Variants in F7 observed in about 807,000 individuals in gnomAD.
The protein encoded by F7 is coagulation factor VII.
A neutral mutation model predicts 47.5 loss-of-function variants in F7; 38 were observed. The ratio of observed to expected loss-of-function variants is 0.80; its 90% confidence interval spans 0.62 to 1.05. The LOEUF is 1.05. Among genes scored for constraint, F7 ranks in the 50% least tolerant of loss-of-function variants. F7 has a pLI of 0.00. For missense variants in F7, 575 were observed against 605.4 expected (o/e 0.95, Z 0.53); for synonymous variants, 244 against 258.5 (o/e 0.94, Z 0.54).
At position 113,118,793 on chromosome 13, in the gene F7, A is replaced by G; in HGVS notation, c.1120A>G (p.Ser374Gly). 6.2e-7 allele frequency: 1 copy of G among 1,613,172 alleles called. No homozygotes were observed. Among genetic ancestry groups the G allele is most frequent in the Non-Finnish European group, 8.5e-7 (1 of 1,179,986 alleles). Residue 374 changes from serine to glycine, a missense_variant, in exon 8 of 8, where the codon AGC (serine) becomes GGC (glycine). By Grantham distance (56) the Ser-to-Gly change is moderately conservative. Transcript: ENST00000346342. Reference sequence around the variant, plus strand: ...GTTCTGTGCCGGCTACTCGGATGGCAGCAAGGACTCCTGCAAGGGGGACAG... The same window carrying G: ...GTTCTGTGCCGGCTACTCGGATGGCGGCAAGGACTCCTGCAAGGGGGACAG... ...YMFCAGYSDG[S>G]KDSCKGDSGG...
At chr13:113,106,953 G>A (rs2142199905) in intron 1 of F7, 1 of 1,564,200 alleles carries the variant, frequency 6.4e-7, no homozygotes, top group African/African-American at 1.4e-5. Context: ...GGCCCAGTGG[G>A]GGCCAACATC....
chr13:113,109,354 A>T (rs2036044146), intron 1 of F7, among the ~76,000 whole-genome samples: 3 of 151,824 alleles, frequency 2.0e-5, no homozygotes, highest in African/African-American at 7.3e-5. Context: ...GGAGTCCGTG[A>T]GTTCCCACCT....
At position 113,119,184 on chromosome 13, in the gene F7, G is replaced by A. The variant is rs996177222; in HGVS notation, c.*176G>A. 1.1e-5 allele frequency: 7 copies of A among 637,848 alleles called. No individual in the cohort carries two copies. Among genetic ancestry groups the A allele is most frequent in the African/African-American group, 1.8e-5 (1 of 54,828 alleles). The allele number at this position is 637,848 out of a possible 1,614,324, so 39.5% of individuals were successfully genotyped here. On this transcript the variant is annotated 3_prime_UTR_variant, in exon 8 of 8. Coordinates refer to ENST00000346342, the MANE Select transcript of F7 (RefSeq NM_019616.4). ...AGACAGAGACAGAGAGAGACTGAGG[G>A]AGAGACTCTGAGGACATGGAGAGAG...
intron 1 of F7, among the ~76,000 whole-genome samples, chr13:113,107,268 CCCGGGGGCGTGGGTGTCCCAGGAGT>C (rs2035979905): frequency 1.5e-5 from 1 of 67,192 alleles, no homozygotes; most frequent in Non-Finnish European, 3.5e-5. Context: ...GTGTGGGTGT[CCCGGGGGCGTGGGTGTCCCAGGAGT>C]GTGGGTGTCC....
chr13:113,116,903 C>T (rs267603762), intron 6 of F7, 28 bp downstream of exon 6: 1 of 1,556,332 alleles, frequency 6.4e-7, no homozygotes, highest in East Asian at 2.2e-5. Flanking sequence ...TTCAGGATTC[C>T]AAGCCCTGAG....
Position 113,118,511 on chromosome 13 carries a change from G to A in F7, c.838G>A (p.Asp280Asn), listed in dbSNP as rs770328850. 25 of 1,611,192 alleles carry A rather than the reference G, an allele frequency of 1.6e-5. No individual in the cohort carries two copies. In the South Asian group the frequency reaches 2.0e-4, roughly 13 times the overall value. ...STYVPGTTNH[D>N]IALLRLHQPV... ...GTACGTCCCGGGCACCACCAACCACGACATCGCGCTGCTCCGCCTGCACCA... is the reference window on the plus strand; with the variant it reads ...GTACGTCCCGGGCACCACCAACCACAACATCGCGCTGCTCCGCCTGCACCA... The change falls in exon 8 of 8, where the codon GAC becomes AAC. Residue 280 changes from aspartate to asparagine, a missense_variant. Physicochemically the swap from Asp to Asn is conservative, Grantham distance 23 (BLOSUM62 1). Transcript: ENST00000346342.
rs768516602 is a variant in F7 at position 113,117,536 on chromosome 13, G to T, written c.679G>T (p.Val227Phe). ...GGTLINTIWV[V>F]SAAHCFDKIK... ...GACCCTGATCAACACCATCTGGGTG[G>T]TCTCCGCGGCCCACTGTTTCGACAA... is the stretch of plus-strand genomic sequence containing the variant. Residue 227 changes from valine (V) to phenylalanine (F), a missense_variant, in exon 7 of 8, where the codon GTC (valine) becomes TTC (phenylalanine). By Grantham distance (50) the Val-to-Phe change is conservative (BLOSUM62 -1). Coordinates refer to ENST00000346342, the MANE Select transcript of F7 (RefSeq NM_019616.4). The T allele has an allele frequency of 6.2e-7, 1 of 1,614,188 alleles. No individual in the cohort carries two copies. Among genetic ancestry groups the T allele is most frequent in the Non-Finnish European group, 8.5e-7 (1 of 1,180,024 alleles).
chr13:113,113,920 C>T lies in F7; in HGVS notation c.324C>T (p.Cys108=), dbSNP rs1408798764. 1 of 1,614,038 alleles carries T rather than the reference C, an allele frequency of 6.2e-7. No homozygotes were observed. The highest frequency in any genetic ancestry group is 8.5e-7 in the Non-Finnish European group (1 of 1,180,046). ...SCKDQLQSYI[C]FCLPAFEGRN... ...AGGACCAGCTCCAGTCCTATATCTG[C>T]TTCTGCCTCCCTGCCTTCGAGGGCC... Residue 108 remains cysteine, a synonymous_variant, in exon 4 of 8, where the codon TGC becomes TGT. Coordinates refer to ENST00000346342, the MANE Select transcript of F7 (RefSeq NM_019616.4). The surrounding 1 kb of genome is among the most constrained non-coding windows in gnomAD (Gnocchi z 4.1).
rs45457194 is a variant in F7, at chr13:113,120,534, GCACT to G, written c.*1530_*1533del. 4,134 of 157,392 alleles carry G rather than the reference GCACT, an allele frequency of 0.026. 66 individuals carry two copies. The highest frequency in any genetic ancestry group is 0.04 in the Non-Finnish European group (2,888 of 71,890). 9.7% of individuals were successfully genotyped at this position (157,392 alleles called of 1,614,324 possible). Reference sequence around the variant, plus strand: ...CACAGCAGCAAGGTGGGCACCATTGGCACTCACAGCAGCAAGGCAGGCACCAGCA... The same window carrying G: ...CACAGCAGCAAGGTGGGCACCATTGGCACAGCAGCAAGGCAGGCACCAGCA... On this transcript the variant is annotated 3_prime_UTR_variant, in exon 8 of 8. Coordinates refer to ENST00000346342, the MANE Select transcript of F7 (RefSeq NM_019616.4).
At chr13:113,107,346 T>A (rs796226736) in intron 1 of F7, among the ~76,000 whole-genome samples, 11 of 40,804 alleles carry the variant, frequency 2.7e-4, no homozygotes, top group South Asian at 1.5e-3. Context: ...CCCGGGGGCG[T>A]GGGTGTCCCG....
intron 1 of F7, 120 bp from the exon 2 acceptor site, chr13:113,110,570 G>C: frequency 7.3e-7 from 1 of 1,375,200 alleles, no homozygotes; most frequent in Non-Finnish European, 1.0e-6. Flanking sequence ...GAGCAGCGCC[G>C]CTCCCCTCCT....
chr13:113,110,962 AGCGGCGCCCGC>A, intron 2 of F7, 112 bp downstream of exon 2: 4 of 1,255,436 alleles, frequency 3.2e-6, no homozygotes, highest in Non-Finnish European at 4.2e-6. Flanking sequence ...GCGAACACGC[AGCGGCGCCCGC>A]GCGGCGCTTT....
At position 113,118,658 on chromosome 13, in the gene F7, G is replaced by A; in HGVS notation, c.985G>A (p.Gly329Ser). 6.2e-7 allele frequency: 1 copy of A among 1,612,880 alleles called. No individual in the cohort carries two copies. The highest frequency in any genetic ancestry group is 8.5e-7 in the Non-Finnish European group (1 of 1,179,948). ...CGGCTGGGGCCAGCTGCTGGACCGT[G>A]GCGCCACGGCCCTGGAGCTCATGGT... ...VSGWGQLLDR[G>S]ATALELMVLN... Residue 329 changes from glycine (G) to serine (S), a missense_variant, in exon 8 of 8, where the codon GGC (glycine) becomes AGC (serine). Transcript: ENST00000346342.
intron 4 of F7, among the ~76,000 whole-genome samples, 190 bp downstream of exon 4, chr13:113,114,150 C>A (rs1360059027): frequency 3.3e-5 from 5 of 152,096 alleles, no homozygotes; most frequent in Non-Finnish European, 7.4e-5. Flanking sequence ...TTGACAGGGA[C>A]CCAAGGTTCT....
chr13:113,118,023 G>A (rs969013809), intron 7 of F7, among the ~76,000 whole-genome samples: 2 of 152,226 alleles, frequency 1.3e-5, no homozygotes, highest in Non-Finnish European at 2.9e-5. Flanking sequence ...AAGAGGATGC[G>A]ACACCCAGGG....
In F7 at chr13:113,118,982, G is replaced by A. The variant is rs761346633; in HGVS notation, c.1309G>A (p.Val437Ile). ...KLMRSEPRPG[V>I]LLRAPFP ...CATGCGCTCAGAGCCACGCCCAGGA[G>A]TCCTCCTGCGAGCCCCATTTCCCTA... The change falls in exon 8 of 8, where the codon GTC becomes ATC. Residue 437 changes from valine (V) to isoleucine (I), a missense_variant. Physicochemically the swap from Val to Ile is conservative, Grantham distance 29. Coordinates refer to ENST00000346342, the MANE Select transcript of F7 (RefSeq NM_019616.4). The A allele has an allele frequency of 3.7e-6, 6 of 1,601,184 alleles. No individual in the cohort carries two copies. In the South Asian group the frequency reaches 6.6e-5, roughly 18 times the overall value.
chr13:113,110,765 G>C lies in F7; in HGVS notation c.140G>C (p.Arg47Pro). 1.3e-6 allele frequency: 2 copies of C among 1,549,828 alleles called. No homozygotes were observed. Among genetic ancestry groups the C allele is most frequent in the South Asian group, 2.4e-5 (2 of 84,058 alleles). Reference sequence around the variant, plus strand: ...GCCAACGCGTTCCTGGAGGAGCTGCGGCCGGGCTCCCTGGAGAGGGAGTGC... The same window carrying C: ...GCCAACGCGTTCCTGGAGGAGCTGCCGCCGGGCTCCCTGGAGAGGGAGTGC... ...RRANAFLEEL[R>P]PGSLERECKE... The change falls in exon 2 of 8, where the codon CGG becomes CCG. Residue 47 changes from arginine to proline, a missense_variant. Arg to Pro is a moderately radical substitution (Grantham distance 103). Transcript: ENST00000346342.
In F7 at chr13:113,118,681, G is replaced by A. The variant is rs149283257; in HGVS notation, c.1008G>A (p.Met336Ile). Residue 336 changes from methionine to isoleucine, a missense_variant, in exon 8 of 8, where the codon ATG becomes ATA. Transcript: ENST00000346342. ...GTGGCGCCACGGCCCTGGAGCTCAT[G>A]GTCCTCAACGTGCCCCGGCTGATGA... ...LDRGATALELMVLNVPRLMTQ... is the reference protein window; with the variant it reads ...LDRGATALELIVLNVPRLMTQ... The A allele has an allele frequency of 3.0e-5, 48 of 1,612,666 alleles. No homozygotes were observed. Among genetic ancestry groups the A allele is most frequent in the Admixed American group, 1.8e-4 (11 of 59,972 alleles).
At chr13:113,116,008 G>A (rs2036187507) in intron 5 of F7, among the ~76,000 whole-genome samples, 1 of 152,234 alleles carries the variant, frequency 6.6e-6, no homozygotes, top group African/African-American at 2.4e-5. Flanking sequence ...GGCAATCCCT[G>A]AATGGCCTCA....
Sources: allele counts gnomAD v4.1 joint callset (sites outside exome capture counted in the v4.1 genomes callset), GRCh38; gene constraint gnomAD v4.1.1; non-coding constraint Gnocchi (gnomAD v3.1); transcripts MANE v1.5; gene names NCBI Gene and HGNC (gene_info 2026-07-23, HGNC 2026-07-21).